CNTNAP4: variants seen among roughly 807,000 people sequenced by gnomAD.
CNTNAP4 encodes the protein contactin associated protein family member 4.
Under a neutral mutation model 148.4 loss-of-function variants are expected in CNTNAP4, and 98 were observed. The observed-to-expected ratio is 0.66, with a 90% CI of 0.56 to 0.78. CNTNAP4 has a LOEUF of 0.78. Ranked by LOEUF, CNTNAP4 falls within the 30% of genes least tolerant of loss-of-function variation. CNTNAP4 has a pLI of 0.00. For missense variants in CNTNAP4, 1,935 were observed against 1,565.6 expected (o/e 1.24, Z -3.98); for synonymous variants, 730 against 565.1 (o/e 1.29, Z -4.14).
In CNTNAP4 at chr16:76,385,505, G is replaced by T. The variant is rs552327612; in HGVS notation, c.390+29994G>T. Among the ~76,000 whole-genome samples the T allele has an allele frequency of 4.0e-5, 6 of 151,692 alleles. No homozygotes were observed. The South Asian group carries it at 1.2e-3, about 32-fold the overall frequency. ...TTATATATAGCAATGTTTCCTTTCA[G>T]TCTTTTCTCATATTTATACAAAAAT... On this transcript the variant is annotated intron_variant, in intron 3 of 23. Coordinates refer to ENST00000611870, the MANE Select transcript of CNTNAP4 (RefSeq NM_033401.5).
intron 21 of CNTNAP4, among the ~76,000 whole-genome samples, chr16:76,543,571 G>C (rs1173063572): frequency 5.3e-5 from 8 of 152,360 alleles, no homozygotes; most frequent in Admixed American, 4.6e-4. Flanking sequence ...TGTCTACAGG[G>C]ATGGAGAAAG....
At chr16:76,369,202 A>G (rs1031355784) in intron 3 of CNTNAP4, among the ~76,000 whole-genome samples, 1 of 152,172 alleles carries the variant, frequency 6.6e-6, no homozygotes, top group African/African-American at 2.4e-5. Context: ...TATTTTAGAC[A>G]TTATTTTCCA....
chr16:76,333,600 G>C (rs1355304878), intron 2 of CNTNAP4, among the ~76,000 whole-genome samples: 1 of 151,942 alleles, frequency 6.6e-6, no homozygotes, highest in Non-Finnish European at 1.5e-5. Flanking sequence ...TGCTTCCTCA[G>C]GGGCAGTTTC....
intron 15 of CNTNAP4, among the ~76,000 whole-genome samples, chr16:76,519,086 A>G (rs2083362033): frequency 6.6e-6 from 1 of 152,168 alleles, no homozygotes; most frequent in African/African-American, 2.4e-5. Flanking sequence ...ACCACATGCC[A>G]TTAACATTAT....
chr16:76,317,206 T>C (rs1961852783), intron 2 of CNTNAP4, among the ~76,000 whole-genome samples: 1 of 145,786 alleles, frequency 6.9e-6, no homozygotes, highest in Non-Finnish European at 1.5e-5. Context: ...TGAGCTATGA[T>C]TGTGCCACTG....
chr16:76,403,659 A>G (rs2078498683), intron 3 of CNTNAP4, among the ~76,000 whole-genome samples: 1 of 152,160 alleles, frequency 6.6e-6, no homozygotes, highest in Non-Finnish European at 1.5e-5. Context: ...AGAGCTAAGA[A>G]CAGAACCACC....
intron 2 of CNTNAP4, among the ~76,000 whole-genome samples, chr16:76,328,672 G>A (rs1348911613): frequency 6.6e-6 from 1 of 151,912 alleles, no homozygotes; most frequent in Non-Finnish European, 1.5e-5. Context: ...TGAGATGGAG[G>A]TTTGCTCTTG....
chr16:76,420,400 C>A (rs1597480316), intron 3 of CNTNAP4, among the ~76,000 whole-genome samples: 1 of 151,870 alleles, frequency 6.6e-6, no homozygotes, highest in African/African-American at 2.4e-5. Context: ...TATCTTTCTG[C>A]AAAGTGTAAT....
At chr16:76,358,170 C>G (rs2012944251) in intron 3 of CNTNAP4, among the ~76,000 whole-genome samples, 1 of 152,066 alleles carries the variant, frequency 6.6e-6, no homozygotes, top group African/African-American at 2.4e-5. Context: ...CTGGTCGCTA[C>G]TAAAAATACA....
intron 2 of CNTNAP4, among the ~76,000 whole-genome samples, chr16:76,348,830 T>C (rs1965131459): frequency 6.9e-6 from 1 of 144,886 alleles, no homozygotes; most frequent in African/African-American, 2.6e-5. Flanking sequence ...CCTATATTAT[T>C]TGAAGACTGT....
intron 15 of CNTNAP4, among the ~76,000 whole-genome samples, chr16:76,501,464 TC>T (rs1331813958): frequency 3.3e-5 from 5 of 152,166 alleles, no homozygotes; most frequent in Non-Finnish European, 5.9e-5. Context: ...CTCCCAGACT[TC>T]CTGTCATCAT....
intron 10 of CNTNAP4, among the ~76,000 whole-genome samples, chr16:76,475,331 C>G (rs184152530): frequency 8.8e-4 from 134 of 152,314 alleles, no homozygotes; most frequent in African/African-American, 3.1e-3. Context: ...TGAAACTAAA[C>G]TACCTCAAGC....
chr16:76,504,447 A>C (rs1490079986), intron 15 of CNTNAP4, among the ~76,000 whole-genome samples: 1 of 152,158 alleles, frequency 6.6e-6, no homozygotes. Context: ...CATACTTCAA[A>C]GCAGATACAA....
chr16:76,340,535 C>T (rs1964381578), intron 2 of CNTNAP4, among the ~76,000 whole-genome samples: 1 of 152,142 alleles, frequency 6.6e-6, no homozygotes, highest in Admixed American at 6.5e-5. Flanking sequence ...TCTGATTGCG[C>T]TCCCAATGCC....
At chr16:76,338,713 G>C (rs1341542822) in intron 2 of CNTNAP4, among the ~76,000 whole-genome samples, 1 of 152,138 alleles carries the variant, frequency 6.6e-6, no homozygotes, top group Admixed American at 6.5e-5. Context: ...ACAGACCCTG[G>C]AGACAGACTG....
intron 3 of CNTNAP4, among the ~76,000 whole-genome samples, chr16:76,388,262 C>T (rs1036659591): frequency 2.1e-4 from 32 of 152,168 alleles, no homozygotes; most frequent in African/African-American, 6.8e-4. Context: ...GCAGCAGCAT[C>T]GTGGAGTGCC....
intron 1 of CNTNAP4, among the ~76,000 whole-genome samples, chr16:76,286,341 A>G (rs544308599): frequency 9.9e-5 from 15 of 152,160 alleles, no homozygotes; most frequent in South Asian, 2.1e-4. Context: ...ATTGCTTCAT[A>G]TTTGCTATCC....
chr16:76,466,857 A>T (rs1442179004), intron 9 of CNTNAP4, among the ~76,000 whole-genome samples: 1 of 152,108 alleles, frequency 6.6e-6, no homozygotes, highest in South Asian at 2.1e-4. Flanking sequence ...TAATTAGATA[A>T]ACAGTTGGTA....
At chr16:76,401,304 C>T (rs900085606) in intron 3 of CNTNAP4, among the ~76,000 whole-genome samples, 1 of 151,986 alleles carries the variant, frequency 6.6e-6, no homozygotes, top group African/African-American at 2.4e-5. Context: ...GAGGTAATTG[C>T]AAATGGGATT....
Sources: allele counts gnomAD v4.1 joint callset (sites outside exome capture counted in the v4.1 genomes callset), GRCh38; gene constraint gnomAD v4.1.1; transcripts MANE v1.5; gene names NCBI Gene and HGNC (gene_info 2026-07-23, HGNC 2026-07-21).